Variants in SH3PXD2B observed in about 807,000 individuals in gnomAD.
The protein encoded by SH3PXD2B is SH3 and PX domains 2B, also known as SH3 and PX domain-containing protein 2B.
SH3PXD2B carries 37 observed loss-of-function variants against 73.1 expected under a neutral mutation model. That is an observed-to-expected ratio of 0.51 (90% confidence interval 0.39 to 0.67). SH3PXD2B has a LOEUF of 0.67. Ranked by LOEUF, SH3PXD2B falls within the 30% of genes least tolerant of loss-of-function variation. SH3PXD2B has a pLI of 0.00. For synonymous variants in SH3PXD2B, 457 were observed against 480.5 expected (o/e 0.95, Z 0.64); for missense variants, 1,053 against 1,197.8 (o/e 0.88, Z 1.78).
At chr5:172,418,998 C>T (rs1458267742) in intron 2 of SH3PXD2B, among the ~76,000 whole-genome samples, 3 of 152,176 alleles carry the variant, frequency 2.0e-5, no homozygotes, top group African/African-American at 7.2e-5. Context: ...TGCAGAGGGA[C>T]GGCTGACAGC....
chr5:172,329,455 G>A (rs1290263071), downstream of SH3PXD2B, among the ~76,000 whole-genome samples: 1 of 151,450 alleles, frequency 6.6e-6, no homozygotes, highest in Non-Finnish European at 1.5e-5. Context: ...TACTGTAGAA[G>A]TATTGGAGGC....
intron 6 of SH3PXD2B, among the ~76,000 whole-genome samples, chr5:172,368,935 C>T (rs1377970368): frequency 6.9e-6 from 1 of 144,382 alleles, no homozygotes; most frequent in Non-Finnish European, 1.5e-5. Flanking sequence ...GCTCTTGTTG[C>T]CCAGGCTGGA....
At position 172,337,840 on chromosome 5, in the gene SH3PXD2B, G is replaced by C. The variant is rs1454920839; in HGVS notation, c.*529C>G. Reference sequence around the variant, plus strand: ...GAAGGGGACACTTTCCCTGGAACTGGTAATGGAATGCATTTCTTCAGGATG... The same window carrying C: ...GAAGGGGACACTTTCCCTGGAACTGCTAATGGAATGCATTTCTTCAGGATG... On this transcript the variant is annotated 3_prime_UTR_variant, in exon 13 of 13. Transcript: ENST00000311601. 1 of 1,002,992 alleles carries C rather than the reference G, an allele frequency of 1.0e-6. No homozygotes were observed. The highest frequency in any genetic ancestry group is 1.2e-6 in the Non-Finnish European group (1 of 839,854). 62.1% of individuals were successfully genotyped at this position (1,002,992 alleles called of 1,614,324 possible).
At chr5:172,409,400 A>C (rs1758638043) in intron 2 of SH3PXD2B, among the ~76,000 whole-genome samples, 1 of 152,106 alleles carries the variant, frequency 6.6e-6, no homozygotes, top group Non-Finnish European at 1.5e-5. Context: ...AAACAAAACC[A>C]AAAACACTCA....
Position 172,333,862 on chromosome 5 carries a change from C to T in SH3PXD2B, c.*4507G>A, listed in dbSNP as rs1756623397. ...AAGGTGGCCACAGTTTATCATCACC[C>T]CTCTAAGTGAAAGGGGCGCTAACAA... On this transcript the variant is annotated 3_prime_UTR_variant, in exon 13 of 13. Coordinates refer to ENST00000311601, the MANE Select transcript of SH3PXD2B (RefSeq NM_001017995.3). 5.5e-6 allele frequency: 7 copies of T among 1,280,416 alleles called. No homozygotes were observed. The highest frequency in any genetic ancestry group is 2.5e-5 in the South Asian group (2 of 79,170). 79.3% of individuals were successfully genotyped at this position (1,280,416 alleles called of 1,614,324 possible).
intron 8 of SH3PXD2B, among the ~76,000 whole-genome samples, chr5:172,357,702 A>AC (rs1187840168): frequency 1.3e-5 from 2 of 151,926 alleles, no homozygotes; most frequent in Non-Finnish European, 2.9e-5. Context: ...ACCCTGTGTT[A>AC]CCCCCCACAG....
chr5:172,428,407 T>G (rs982387580), intron 1 of SH3PXD2B, among the ~76,000 whole-genome samples: 9 of 152,136 alleles, frequency 5.9e-5, no homozygotes, highest in Non-Finnish European at 7.4e-5. Context: ...TGGCTACGAT[T>G]AAAAAATAGC....
At chr5:172,405,214 T>C (rs1758524530) in intron 3 of SH3PXD2B, among the ~76,000 whole-genome samples, 1 of 152,266 alleles carries the variant, frequency 6.6e-6, no homozygotes, top group Non-Finnish European at 1.5e-5. Flanking sequence ...CAGCAGCTGG[T>C]GTGCTGCCTG....
Position 172,338,099 on chromosome 5 carries a change from G to A in SH3PXD2B, c.*270C>T. Reference sequence around the variant, plus strand: ...GGGTGGCAATGCCATTGGCCAGGAGGAGTTCTCTTAAGGCAGGGATGCTGA... The same window carrying A: ...GGGTGGCAATGCCATTGGCCAGGAGAAGTTCTCTTAAGGCAGGGATGCTGA... On this transcript the variant is annotated 3_prime_UTR_variant, in exon 13 of 13. Transcript: ENST00000311601. The surrounding 1 kb of genome is among the most constrained non-coding windows in gnomAD (Gnocchi z 5.1). 1.5e-6 allele frequency: 2 copies of A among 1,376,216 alleles called. No homozygotes were observed. The highest frequency in any genetic ancestry group is 2.9e-5 in the East Asian group (1 of 34,448). The allele number at this position is 1,376,216 out of a possible 1,614,324, so 85.3% of individuals were successfully genotyped here.
chr5:172,417,374 T>C (rs4446483), intron 2 of SH3PXD2B, among the ~76,000 whole-genome samples: 78,457 of 152,048 alleles, frequency 0.52, 22,208 homozygotes, highest in African/African-American at 0.74. Flanking sequence ...CAGCTGGACA[T>C]CAACTGGCCT....
chr5:172,422,710 A>G (rs1759000312), intron 1 of SH3PXD2B, among the ~76,000 whole-genome samples: 2 of 152,234 alleles, frequency 1.3e-5, no homozygotes, highest in Non-Finnish European at 2.9e-5. Flanking sequence ...GCAAAGGATG[A>G]ATGACATCAA....
At chr5:172,446,642 C>T (rs1439361056) in intron 1 of SH3PXD2B, among the ~76,000 whole-genome samples, 1 of 152,218 alleles carries the variant, frequency 6.6e-6, no homozygotes, top group Admixed American at 6.5e-5. Context: ...GCCGACTTGC[C>T]TGCACCTCCG....
intron 1 of SH3PXD2B, among the ~76,000 whole-genome samples, chr5:172,450,225 G>A (rs1252567516): frequency 1.3e-5 from 2 of 151,798 alleles, no homozygotes; most frequent in East Asian, 3.9e-4. Context: ...CCTCAAGAAA[G>A]CTGTTAAAAA....
At chr5:172,395,782 G>T (rs1405915349) in intron 3 of SH3PXD2B, among the ~76,000 whole-genome samples, 1 of 129,010 alleles carries the variant, frequency 7.8e-6, no homozygotes, top group Non-Finnish European at 1.7e-5. Context: ...GGGAGATGGA[G>T]ATAAGCCTCT....
At chr5:172,332,861 A>G (rs1756586795), downstream of SH3PXD2B, among the ~76,000 whole-genome samples, 1 of 151,764 alleles carries the variant, frequency 6.6e-6, no homozygotes, top group Non-Finnish European at 1.5e-5. Flanking sequence ...TCCACCTCCC[A>G]GGAGCAGATG....
intron 1 of SH3PXD2B, among the ~76,000 whole-genome samples, chr5:172,439,692 G>GCACACA (rs367799974): frequency 0.03 from 4,111 of 138,402 alleles, 91 homozygotes; most frequent in African/African-American, 0.055. Context: ...GCACGCGCGC[G>GCACACA]CACACACACA....
At position 172,339,656 on chromosome 5, in the gene SH3PXD2B, T is replaced by C; in HGVS notation, c.1449A>G (p.Pro483=). 6.2e-7 allele frequency: 1 copy of C among 1,614,250 alleles called. No individual in the cohort carries two copies. The highest frequency in any genetic ancestry group is 8.5e-7 in the Non-Finnish European group (1 of 1,180,050). The change falls in exon 13 of 13, where the codon CCA becomes CCG. Residue 483 remains proline, a synonymous_variant. Transcript: ENST00000311601. This position sits in a 1 kb window ranked among gnomAD's most constrained non-coding sequence, Gnocchi z 6.1. The stretch of plus-strand genomic sequence containing the variant: ...TACTGCCCTTCCAGTCTTTAGACCA[T>C]GGCAACCCCGAGTCCATGACACCAT... ...APHGVMDSGL[P]WSKDWKGSKD... is the part of the protein sequence containing the mutation.
chr5:172,395,802 G>A lies in SH3PXD2B; in HGVS notation c.233-1163C>T, dbSNP rs144878116. ...ATGGAGATAAGCCTCTACCAAGCTCGTGCAGAGCAACCGGGGGTATCTATG... is the reference window on the plus strand; with the variant it reads ...ATGGAGATAAGCCTCTACCAAGCTCATGCAGAGCAACCGGGGGTATCTATG... On this transcript the variant is annotated intron_variant, in intron 3 of 12. Transcript: ENST00000311601. Among the ~76,000 whole-genome samples the A allele has an allele frequency of 4.9e-4, 75 of 152,200 alleles. 1 individual carries two copies. The highest frequency in any genetic ancestry group is 3.4e-3 in the Middle Eastern group (1 of 294).
rs144523953 is a variant in SH3PXD2B at position 172,422,500 on chromosome 5, C to A, written c.76-4G>T. Reference sequence around the variant, plus strand: ...ACGTGACCCGGATGATGTAGACCTGCGGGAGCAACAGAGGAGATGGGTGTT... The same window carrying A: ...ACGTGACCCGGATGATGTAGACCTGAGGGAGCAACAGAGGAGATGGGTGTT... On this transcript the variant is annotated splice_region_variant and splice_polypyrimidine_tract_variant and intron_variant, in intron 1 of 12. Transcript: ENST00000311601. 1 of 1,610,476 alleles carries A rather than the reference C, an allele frequency of 6.2e-7. No individual in the cohort carries two copies. The highest frequency in any genetic ancestry group is 8.5e-7 in the Non-Finnish European group (1 of 1,179,122).
Sources: gnomAD v4.1 joint callset for allele counts (sites outside exome capture counted in the v4.1 genomes callset) on GRCh38, gnomAD v4.1.1 for gene constraint, Gnocchi (gnomAD v3.1) non-coding constraint, MANE v1.5 for transcripts, NCBI Gene and HGNC (gene_info 2026-07-23, HGNC 2026-07-21) for gene names.